ATP2A1: variants seen among roughly 807,000 people sequenced by gnomAD.
ATP2A1 encodes sarcoplasmic/endoplasmic reticulum calcium ATPase 1.
In ATP2A1, 83 loss-of-function variants were observed where a neutral mutation model predicts 109.5. The ratio of observed to expected loss-of-function variants is 0.76; its 90% CI spans 0.63 to 0.91. The LOEUF is 0.91. ATP2A1 is among the 40% of genes least tolerant of loss of function. ATP2A1 has a pLI of 0.00. For missense variants in ATP2A1, 1,101 were observed against 1,341.0 expected, an observed-to-expected ratio of 0.82 and a Z score of 2.80; for synonymous variants, 505 against 537.6, an observed-to-expected ratio of 0.94 and a Z score of 0.84.
intron 9 of ATP2A1, chr16:28,892,442 CTG>C (rs200957871): frequency 0.29 from 75,962 of 264,482 alleles, 12,815 homozygotes; most frequent in Non-Finnish European, 0.36. Flanking sequence ...GTGAGAAAGG[CTG>C]TAACCTTGGC....
In ATP2A1 at chr16:28,898,559, T is replaced by C; in HGVS notation, c.1764+108T>C. On this transcript the variant is annotated intron_variant, in intron 14 of 22. Coordinates refer to ENST00000395503, the MANE Select transcript of ATP2A1 (RefSeq NM_004320.6). The surrounding 1 kb of genome is among the most constrained non-coding windows in gnomAD (Gnocchi z 4.0). ...ATCATTTCCTACCTCGTCAGTCAAG[T>C]TGATGGCTCCTTAGTACAGGCCATG... 2 of 1,284,848 alleles carry C rather than the reference T, an allele frequency of 1.6e-6. No individual in the cohort carries two copies. The highest frequency in any genetic ancestry group is 1.3e-5 in the South Asian group (1 of 78,356). The allele number at this position is 1,284,848 out of a possible 1,614,324, so 79.6% of individuals were successfully genotyped here.
intron 14 of ATP2A1, among the ~76,000 whole-genome samples, chr16:28,899,571 G>T (rs965722651): frequency 2.0e-5 from 3 of 151,256 alleles, no homozygotes; most frequent in Non-Finnish European, 2.9e-5. Context: ...CCTGGGAGGC[G>T]GAGGTTGCAG....
intron 15 of ATP2A1, among the ~76,000 whole-genome samples, chr16:28,901,628 G>A (rs545582461): frequency 3.3e-5 from 5 of 151,374 alleles, no homozygotes; most frequent in African/African-American, 1.2e-4. Flanking sequence ...GTGAGACTCC[G>A]TCTCAAAAAA....
rs781190858 is a variant in ATP2A1, at chr16:28,888,872, C to T, written c.1014C>T (p.Ser338=). Residue 338 remains serine (S), a synonymous_variant, in exon 9 of 23, where the codon TCC becomes TCT. Coordinates refer to ENST00000395503, the MANE Select transcript of ATP2A1 (RefSeq NM_004320.6). ...KKNAIVRSLP[S]VETLGCTSVI... Reference sequence around the variant, plus strand: ...ATGCCATTGTAAGAAGCTTGCCCTCCGTAGAGACCCTGGGCTGCACCTCTG... The same window carrying T: ...ATGCCATTGTAAGAAGCTTGCCCTCTGTAGAGACCCTGGGCTGCACCTCTG... 1.7e-5 allele frequency: 28 copies of T among 1,614,004 alleles called. No homozygotes were observed. In the African/African-American group the frequency reaches 1.9e-4, roughly 11 times the overall value.
intron 14 of ATP2A1, among the ~76,000 whole-genome samples, chr16:28,900,255 C>T (rs749644889): frequency 3.3e-5 from 5 of 150,342 alleles, no homozygotes; most frequent in Admixed American, 2.0e-4. Flanking sequence ...GAGCTATGAT[C>T]GCACCGTTGT....
At chr16:28,888,113 A>T in intron 8 of ATP2A1, among the ~76,000 whole-genome samples, 1 of 147,644 alleles carries the variant, frequency 6.8e-6, no homozygotes, top group African/African-American at 2.5e-5. Context: ...GCTCAGTGCA[A>T]CCTCTGCCTC....
intron 1 of ATP2A1, 76 bp downstream of exon 1, chr16:28,878,865 C>T (rs1437213566): frequency 2.0e-6 from 3 of 1,486,286 alleles, no homozygotes; most frequent in African/African-American, 1.4e-5. Flanking sequence ...CGCATGCACG[C>T]GTTTCTCCCT....
In ATP2A1 at chr16:28,880,556, AG is replaced by A. The variant is rs1963440318; in HGVS notation, c.220-356del. Among the ~76,000 whole-genome samples, 1 of 152,230 alleles carries A rather than the reference AG, an allele frequency of 6.6e-6. No homozygotes were observed. Among genetic ancestry groups the A allele is most frequent in the Non-Finnish European group, 1.5e-5 (1 of 68,034 alleles). ...GGGCCAGACCGCCTGCGAAGACCAC[AG>A]GGTTTTTCCTCTCGGGTTTTGGCTC... is the stretch of plus-strand genomic sequence containing the variant. On this transcript the variant is annotated intron_variant, in intron 3 of 22. Coordinates refer to ENST00000395503, the MANE Select transcript of ATP2A1 (RefSeq NM_004320.6). This position sits in a 1 kb window ranked among gnomAD's most constrained non-coding sequence, Gnocchi z 4.2.
At chr16:28,881,075 C>T (rs1963458527) in intron 4 of ATP2A1, 56 bp downstream of exon 4, 2 of 1,532,834 alleles carry the variant, frequency 1.3e-6, no homozygotes, top group Non-Finnish European at 1.8e-6. Context: ...AAGAGGCCAA[C>T]CCTCCCTCCA....
At chr16:28,882,688 G>T in intron 5 of ATP2A1, 99 bp downstream of exon 5, 1 of 1,537,584 alleles carries the variant, frequency 6.5e-7, no homozygotes, top group Non-Finnish European at 8.8e-7. Flanking sequence ...TGTCCAGGAG[G>T]ATGACGGAGT....
At position 28,887,628 on chromosome 16, in the gene ATP2A1, C is replaced by T; in HGVS notation, c.834C>T (p.His278=). The part of the protein sequence containing the change: ...CVAVWLINIG[H]FNDPVHGGSW... ...CTGTCTGGCTTATCAACATTGGCCACTTCAACGACCCCGTCCATGGGGGCT... is the reference window on the plus strand; with the variant it reads ...CTGTCTGGCTTATCAACATTGGCCATTTCAACGACCCCGTCCATGGGGGCT... The change falls in exon 8 of 23, where the codon CAC becomes CAT. Residue 278 remains histidine, a synonymous_variant. Coordinates refer to ENST00000395503, the MANE Select transcript of ATP2A1 (RefSeq NM_004320.6). The T allele has an allele frequency of 5.0e-6, 8 of 1,614,182 alleles. No individual in the cohort carries two copies. Among genetic ancestry groups the T allele is most frequent in the Non-Finnish European group, 6.8e-6 (8 of 1,180,028 alleles).
intron 11 of ATP2A1, 80 bp downstream of exon 11, chr16:28,894,687 G>C (rs1596678187): frequency 1.3e-6 from 2 of 1,596,826 alleles, no homozygotes; most frequent in East Asian, 4.5e-5. Context: ...GGAGGAAGGG[G>C]ACCCAGTACA....
intron 8 of ATP2A1, among the ~76,000 whole-genome samples, chr16:28,887,950 G>A (rs1176262102): frequency 1.3e-5 from 2 of 152,314 alleles, no homozygotes; most frequent in South Asian, 2.1e-4. Flanking sequence ...ACAGGTGCAC[G>A]CCGCCATGCC....
At position 28,898,238 on chromosome 16, in the gene ATP2A1, C is replaced by T. The variant is rs1963971184; in HGVS notation, c.1551C>T (p.Ala517=). Residue 517 remains alanine, a synonymous_variant, in exon 14 of 23, where the codon GCC becomes GCT. Transcript: ENST00000395503. This position sits in a 1 kb window ranked among gnomAD's most constrained non-coding sequence, Gnocchi z 4.0. ...AVGNKMFVKG[A]PEGVIDRCNY... The stretch of plus-strand genomic sequence containing the variant: ...ATGCTGTTCTGGTCTCCTAGGGTGC[C>T]CCTGAGGGCGTCATCGACCGCTGTA... 1 of 1,614,204 alleles carries T rather than the reference C, an allele frequency of 6.2e-7. No homozygotes were observed. Among genetic ancestry groups the T allele is most frequent in the South Asian group, 1.1e-5 (1 of 91,084 alleles).
intron 12 of ATP2A1, among the ~76,000 whole-genome samples, chr16:28,896,848 C>G (rs1432908466): frequency 6.6e-6 from 1 of 151,546 alleles, no homozygotes; most frequent in Non-Finnish European, 1.5e-5. Flanking sequence ...CACGTGCCAC[C>G]ACGCCTGGCT....
rs369691735 is a variant in ATP2A1, at chr16:28,902,297, C to T, written c.2435C>T (p.Pro812Leu). ...GCCACAGCCCTGGGCTTCAACCCAC[C>T]AGACCTGGACATCATGGACCGCCCC... Reference protein sequence around the residue: ...LPATALGFNPPDLDIMDRPPR... With the variant: ...LPATALGFNPLDLDIMDRPPR... The change falls in exon 17 of 23, where the codon CCA becomes CTA. Residue 812 changes from proline to leucine, a missense_variant. Pro to Leu is a moderately conservative substitution (Grantham distance 98, BLOSUM62 -3). Transcript: ENST00000395503. This position sits in a 1 kb window ranked among gnomAD's most constrained non-coding sequence, Gnocchi z 4.8. The T allele has an allele frequency of 3.1e-6, 5 of 1,614,042 alleles. No homozygotes were observed. Among genetic ancestry groups the T allele is most frequent in the Non-Finnish European group, 4.2e-6 (5 of 1,180,034 alleles).
At position 28,898,159 on chromosome 16, in the gene ATP2A1, C is replaced by T. The variant is rs376216458; in HGVS notation, c.1545+34C>T. The T allele has an allele frequency of 2.4e-5, 38 of 1,614,108 alleles. No homozygotes were observed. Among genetic ancestry groups the T allele is most frequent in the Non-Finnish European group, 3.1e-5 (36 of 1,180,050 alleles). On this transcript the variant is annotated intron_variant, in intron 13 of 22. Transcript: ENST00000395503. This position sits in a 1 kb window ranked among gnomAD's most constrained non-coding sequence, Gnocchi z 4.0. ...TCGGAATGTGCCTCAGCCCCCTCTTCTTCCTACTCCTAGCCACCTGTCACT... is the reference window on the plus strand; with the variant it reads ...TCGGAATGTGCCTCAGCCCCCTCTTTTTCCTACTCCTAGCCACCTGTCACT...
Position 28,898,060 on chromosome 16 carries a change from A to C in ATP2A1, c.1480A>C (p.Met494Leu). Residue 494 changes from methionine to leucine, a missense_variant, in exon 13 of 23, where the codon ATG becomes CTG. Coordinates refer to ENST00000395503, the MANE Select transcript of ATP2A1 (RefSeq NM_004320.6). The surrounding 1 kb of genome is among the most constrained non-coding windows in gnomAD (Gnocchi z 4.0). ...GGAGTTCTCCCGAGACAGAAAGTCCATGTCTGTCTATTGCTCCCCAGCCAA... is the reference window on the plus strand; with the variant it reads ...GGAGTTCTCCCGAGACAGAAAGTCCCTGTCTGTCTATTGCTCCCCAGCCAA... The part of the protein sequence containing the change: ...TLEFSRDRKS[M>L]SVYCSPAKSS... 1 of 1,614,070 alleles carries C rather than the reference A, an allele frequency of 6.2e-7. No individual in the cohort carries two copies. The highest frequency in any genetic ancestry group is 2.2e-5 in the East Asian group (1 of 44,890).
chr16:28,878,732 A>G lies in ATP2A1; in HGVS notation c.61A>G (p.Thr21Ala). 3 of 1,613,306 alleles carry G rather than the reference A, an allele frequency of 1.9e-6. No individual in the cohort carries two copies. Among genetic ancestry groups the G allele is most frequent in the Non-Finnish European group, 2.5e-6 (3 of 1,179,674 alleles). ...ECLAYFGVSE[T>A]TGLTPDQVKR... Reference sequence around the variant, plus strand: ...TTTGGCCTATTTTGGGGTGAGTGAGACCACGGGCCTCACCCCGGACCAAGT... The same window carrying G: ...TTTGGCCTATTTTGGGGTGAGTGAGGCCACGGGCCTCACCCCGGACCAAGT... Residue 21 changes from threonine to alanine, a missense_variant, in exon 1 of 23, where the codon ACC becomes GCC. Physicochemically the swap from Thr to Ala is moderately conservative, Grantham distance 58. Coordinates refer to ENST00000395503, the MANE Select transcript of ATP2A1 (RefSeq NM_004320.6).
Sources: allele counts gnomAD v4.1 joint callset (sites outside exome capture counted in the v4.1 genomes callset), GRCh38; gene constraint gnomAD v4.1.1; non-coding constraint Gnocchi (gnomAD v3.1); transcripts MANE v1.5; gene names NCBI Gene and HGNC (gene_info 2026-07-23, HGNC 2026-07-21).